The following C16orf78 variants were observed in gnomAD, a reference collection of about 807,000 sequenced individuals.
C16orf78 encodes uncharacterized protein C16orf78.
Under a neutral mutation model 27.3 loss-of-function variants are expected in C16orf78, and 19 were observed. The ratio of observed to expected loss-of-function variants is 0.70; its 90% confidence interval spans 0.49 to 1.02. The LOEUF is 1.02. Among genes scored for constraint, C16orf78 ranks in the 50% least tolerant of loss-of-function variants. C16orf78 has a pLI of 0.00. For missense variants in C16orf78, 339 were observed against 337.0 expected, an observed-to-expected ratio of 1.01 and a Z score of -0.05; for synonymous variants, 130 against 116.1, an observed-to-expected ratio of 1.12 and a Z score of -0.77.
chr16:49,387,892 G>A (rs1269794112), intron 3 of C16orf78, among the ~76,000 whole-genome samples: 2 of 152,110 alleles, frequency 1.3e-5, no homozygotes, highest in Admixed American at 1.3e-4. Context: ...TGGGGTCAGT[G>A]GTAATATCTC....
rs375977332 is a variant in C16orf78, at chr16:49,399,246, G to A, written c.766G>A (p.Val256Met). 1 of 1,614,050 alleles carries A rather than the reference G, an allele frequency of 6.2e-7. No individual in the cohort carries two copies. Among genetic ancestry groups the A allele is most frequent in the African/African-American group, 1.3e-5 (1 of 74,922 alleles). The stretch of plus-strand genomic sequence containing the variant: ...CGAAGAGGACATAGATGCTAAAAAG[G>A]TGTTCACCGGAATACCCAGCATGGC... ...MVEEDIDAKK[V>M]FTGIPSMAL The change falls in exon 5 of 5, where the codon GTG (valine) becomes ATG (methionine). Residue 256 changes from valine (V) to methionine (M), a missense_variant. Physicochemically the swap from Val to Met is conservative, Grantham distance 21 (BLOSUM62 1). Transcript: ENST00000299191.
At chr16:49,397,754 A>G (rs1965491560) in intron 4 of C16orf78, among the ~76,000 whole-genome samples, 1 of 152,146 alleles carries the variant, frequency 6.6e-6, no homozygotes, top group South Asian at 2.1e-4. Context: ...AAAAGAATGA[A>G]GTGGTTCAGA....
chr16:49,388,386 C>T (rs1479131500), intron 3 of C16orf78, among the ~76,000 whole-genome samples: 1 of 152,112 alleles, frequency 6.6e-6, no homozygotes, highest in Admixed American at 6.6e-5. Flanking sequence ...TTAGCTGTGT[C>T]CCAGAGATTC....
At chr16:49,386,920 T>C (rs2151613603) in intron 3 of C16orf78, among the ~76,000 whole-genome samples, 1 of 152,342 alleles carries the variant, frequency 6.6e-6, no homozygotes, top group South Asian at 2.1e-4. Context: ...TGTGCATGTG[T>C]CTTTATGGTA....
At chr16:49,390,066 T>G (rs552933877) in intron 3 of C16orf78, among the ~76,000 whole-genome samples, 1 of 152,346 alleles carries the variant, frequency 6.6e-6, no homozygotes, top group East Asian at 1.9e-4. Flanking sequence ...CTTCCAATAC[T>G]TTAAAGGTTG....
intron 3 of C16orf78, among the ~76,000 whole-genome samples, chr16:49,382,077 T>C (rs1424334380): frequency 4.6e-5 from 7 of 152,184 alleles, no homozygotes; most frequent in South Asian, 2.1e-4. Context: ...TGGAATACTA[T>C]GCAGCCATAA....
chr16:49,396,055 C>A (rs879653185), intron 3 of C16orf78, among the ~76,000 whole-genome samples: 8 of 152,214 alleles, frequency 5.3e-5, no homozygotes, highest in Non-Finnish European at 8.8e-5. Flanking sequence ...CCAGCCTGGG[C>A]AACATGGCAA....
chr16:49,380,304 A>T (rs190614683), intron 3 of C16orf78, among the ~76,000 whole-genome samples: 2 of 152,250 alleles, frequency 1.3e-5, no homozygotes, highest in South Asian at 4.2e-4. Context: ...ATATACATCT[A>T]TCCTGTTAGT....
intron 1 of C16orf78, among the ~76,000 whole-genome samples, chr16:49,374,978 C>A (rs1032060857): frequency 6.6e-6 from 1 of 152,184 alleles, no homozygotes; most frequent in African/African-American, 2.4e-5. Flanking sequence ...CAATGCTCAA[C>A]ACATCACTAA....
At chr16:49,386,124 T>C (rs937820120) in intron 3 of C16orf78, among the ~76,000 whole-genome samples, 1 of 152,174 alleles carries the variant, frequency 6.6e-6, no homozygotes, top group Non-Finnish European at 1.5e-5. Flanking sequence ...AAGCTTGTCA[T>C]ATAACAAGGG....
chr16:49,380,026 C>CT (rs1965268431), intron 3 of C16orf78, among the ~76,000 whole-genome samples: 1 of 152,194 alleles, frequency 6.6e-6, no homozygotes. Flanking sequence ...GTCCTCTGGC[C>CT]TTCGTCTTTC....
chr16:49,375,669 C>T (rs1965207565), intron 1 of C16orf78, among the ~76,000 whole-genome samples: 1 of 152,166 alleles, frequency 6.6e-6, no homozygotes, highest in African/African-American at 2.4e-5. Flanking sequence ...GACGCAGATC[C>T]AAACCATACC....
intron 4 of C16orf78, among the ~76,000 whole-genome samples, chr16:49,398,197 G>A (rs1451190745): frequency 2.6e-5 from 4 of 152,198 alleles, no homozygotes; most frequent in Admixed American, 1.3e-4. Flanking sequence ...TAGGCTCTGG[G>A]AAGATCTTAA....
At chr16:49,378,315 C>T (rs1019528772) in intron 2 of C16orf78, among the ~76,000 whole-genome samples, 155 bp from the exon 3 acceptor site, 2 of 152,236 alleles carry the variant, frequency 1.3e-5, no homozygotes, top group Non-Finnish European at 2.9e-5. Flanking sequence ...GACCCTGCCC[C>T]TCCGACCTCT....
rs538572382 is a variant in C16orf78, at chr16:49,377,303, A to T, written c.151-428A>T. ...CGGGACCAAGGGAGAGGCCGGGGTG[A>T]GCAAAGGCCCAGAGGTCTGGATCAG... On this transcript the variant is annotated intron_variant, in intron 1 of 4. Transcript: ENST00000299191. Among the ~76,000 whole-genome samples the T allele has an allele frequency of 4.7e-4, 72 of 152,272 alleles. 1 individual carries two copies. The South Asian group carries it at 0.014, about 30-fold the overall frequency.
intron 3 of C16orf78, among the ~76,000 whole-genome samples, chr16:49,388,092 C>T (rs1346214948): frequency 6.6e-6 from 1 of 151,962 alleles, no homozygotes; most frequent in African/African-American, 2.4e-5. Flanking sequence ...CAAGACCAGC[C>T]TGGACAACAT....
At chr16:49,395,547 G>C (rs1470235472) in intron 3 of C16orf78, among the ~76,000 whole-genome samples, 1 of 151,978 alleles carries the variant, frequency 6.6e-6, no homozygotes, top group Non-Finnish European at 1.5e-5. Context: ...ATGTGGCCCA[G>C]GGAAGCCAAA....
At chr16:49,380,390 T>C (rs181919987) in intron 3 of C16orf78, among the ~76,000 whole-genome samples, 5 of 152,358 alleles carry the variant, frequency 3.3e-5, no homozygotes, top group African/African-American at 9.6e-5. Flanking sequence ...AAAAATAATC[T>C]AGATTGCCTT....
At chr16:49,390,471 A>T (rs1446782787) in intron 3 of C16orf78, among the ~76,000 whole-genome samples, 1 of 152,172 alleles carries the variant, frequency 6.6e-6, no homozygotes, top group Non-Finnish European at 1.5e-5. Context: ...CAAGTCCACT[A>T]ATCTTTTCTT....
Sources: gnomAD v4.1 joint callset for allele counts (sites outside exome capture counted in the v4.1 genomes callset) on GRCh38, gnomAD v4.1.1 for gene constraint, MANE v1.5 for transcripts, NCBI Gene and HGNC (gene_info 2026-07-23, HGNC 2026-07-21) for gene names.